SLC44A5: variants seen among roughly 807,000 people sequenced by gnomAD.
SLC44A5 encodes choline transporter-like protein 5.
SLC44A5 carries 57 observed loss-of-function variants against 101.8 expected under a neutral mutation model. The observed-to-expected ratio is 0.56, with a 90% confidence interval of 0.45 to 0.70. SLC44A5 has a LOEUF of 0.70. Among genes scored for constraint, SLC44A5 ranks in the 30% least tolerant of loss-of-function variants. The pLI, the probability that SLC44A5 is intolerant of heterozygous loss-of-function variation, is 0.00. For synonymous variants in SLC44A5, 281 were observed against 290.9 expected, an observed-to-expected ratio of 0.97 and a Z score of 0.35; for missense variants, 737 against 853.1, an observed-to-expected ratio of 0.86 and a Z score of 1.70.
intron 3 of SLC44A5, among the ~76,000 whole-genome samples, chr1:75,383,889 G>T (rs7522348): frequency 1.1e-4 from 16 of 151,886 alleles, no homozygotes; most frequent in African/African-American, 3.6e-4. Context: ...AGGAGAGAGT[G>T]GGGGCCAATA....
At chr1:75,458,185 AG>A (rs759320685) in intron 2 of SLC44A5, among the ~76,000 whole-genome samples, 9 of 152,364 alleles carry the variant, frequency 5.9e-5, no homozygotes, top group Admixed American at 1.3e-4. Flanking sequence ...AGTTAGAAAA[AG>A]TATTTCCAGT....
At chr1:75,475,921 A>T (rs1667364792) in intron 2 of SLC44A5, among the ~76,000 whole-genome samples, 1 of 152,248 alleles carries the variant, frequency 6.6e-6, no homozygotes, top group African/African-American at 2.4e-5. Context: ...GTGGTGGTTC[A>T]TGCCTGTAAT....
At chr1:75,624,995 AG>A in the SLC44A5 span, among the ~76,000 whole-genome samples, 2 of 152,078 alleles carry the variant, frequency 1.3e-5, no homozygotes, top group Admixed American at 6.6e-5. Flanking sequence ...ACATTGACAC[AG>A]GGCTTCTCTC....
the SLC44A5 span, among the ~76,000 whole-genome samples, chr1:75,665,872 C>T: frequency 6.6e-6 from 1 of 152,050 alleles, no homozygotes; most frequent in Non-Finnish European, 1.5e-5. Flanking sequence ...AAAAAATGCT[C>T]AACATCGCTA....
intron 2 of SLC44A5, among the ~76,000 whole-genome samples, chr1:75,525,803 A>T (rs549901308): frequency 6.6e-6 from 1 of 152,220 alleles, no homozygotes; most frequent in African/African-American, 2.4e-5. Flanking sequence ...TGTCTGCAAC[A>T]TATTTTCAAG....
At chr1:75,298,289 A>T (rs545108759) in intron 5 of SLC44A5, among the ~76,000 whole-genome samples, 79 of 149,362 alleles carry the variant, frequency 5.3e-4, no homozygotes, top group African/African-American at 1.5e-3. Context: ...TTCAGGGATT[A>T]AAAAAAAGGT....
chr1:75,204,867 G>T (rs539524106), intron 23 of SLC44A5: 1 of 152,228 alleles, frequency 6.6e-6, no homozygotes, highest in Non-Finnish European at 1.5e-5. Context: ...TCAAATCACA[G>T]TATATCAGAA....
chr1:75,353,133 A>G (rs1378975528), intron 3 of SLC44A5, among the ~76,000 whole-genome samples: 2 of 152,178 alleles, frequency 1.3e-5, no homozygotes, highest in African/African-American at 4.8e-5. Flanking sequence ...TTTCTAAGAC[A>G]TACCCACACA....
chr1:75,334,915 C>T (rs1657322905), intron 4 of SLC44A5, among the ~76,000 whole-genome samples: 1 of 152,126 alleles, frequency 6.6e-6, no homozygotes, highest in African/African-American at 2.4e-5. Flanking sequence ...GTAGTCTGTG[C>T]ACTTATAATA....
intron 6 of SLC44A5, among the ~76,000 whole-genome samples, chr1:75,252,570 C>T (rs1183760053): frequency 6.6e-6 from 1 of 152,172 alleles, no homozygotes; most frequent in East Asian, 1.9e-4. Context: ...CTAGTTGTTT[C>T]TTCCAAATTC....
the SLC44A5 span, among the ~76,000 whole-genome samples, chr1:75,619,553 T>G: frequency 6.6e-6 from 1 of 151,940 alleles, no homozygotes; most frequent in African/African-American, 2.4e-5. Flanking sequence ...ATTAATACAT[T>G]AAAAAAACAA....
intron 3 of SLC44A5, among the ~76,000 whole-genome samples, chr1:75,389,690 A>C (rs1217964101): frequency 6.6e-6 from 1 of 152,202 alleles, no homozygotes; most frequent in Admixed American, 6.5e-5. Context: ...TTATAGCACT[A>C]CATACCTATA....
Position 75,305,027 on chromosome 1 carries a change from A to G in SLC44A5, c.102-4342T>C, listed in dbSNP as rs148684847. ...AAAGTGTTTTCAAAAGTTAAACTACAGAACTACTATTGCTACCTTATATCT... is the reference window on the plus strand; with the variant it reads ...AAAGTGTTTTCAAAAGTTAAACTACGGAACTACTATTGCTACCTTATATCT... On this transcript the variant is annotated intron_variant, in intron 4 of 23. Transcript: ENST00000370859. Among the ~76,000 whole-genome samples the G allele has an allele frequency of 4.1e-3, 621 of 152,354 alleles. 10 individuals carry two copies. In the South Asian group the frequency reaches 0.047, roughly 11 times the overall value.
chr1:75,632,953 G>A, the SLC44A5 span, among the ~76,000 whole-genome samples: 2 of 152,136 alleles, frequency 1.3e-5, no homozygotes, highest in Non-Finnish European at 2.9e-5. Flanking sequence ...TGGTGGTGCT[G>A]GTAGTAGTTG....
intron 3 of SLC44A5, among the ~76,000 whole-genome samples, chr1:75,368,303 C>T (rs971354641): frequency 2.2e-4 from 33 of 152,154 alleles, no homozygotes; most frequent in Non-Finnish European, 4.6e-4. Flanking sequence ...TTTCTAGAAC[C>T]TTTCCCTTAT....
At chr1:75,365,722 T>C (rs934177075) in intron 3 of SLC44A5, among the ~76,000 whole-genome samples, 3 of 152,182 alleles carry the variant, frequency 2.0e-5, no homozygotes, top group Non-Finnish European at 4.4e-5. Context: ...AAATGAGTTC[T>C]TGTTCTTTTT....
At chr1:75,336,538 AT>A in intron 4 of SLC44A5, among the ~76,000 whole-genome samples, 1 of 152,300 alleles carries the variant, frequency 6.6e-6, no homozygotes, top group African/African-American at 2.4e-5. Context: ...TAGTTTACGT[AT>A]TTAAAACAAA....
chr1:75,286,404 T>C (rs1405685815), intron 5 of SLC44A5, among the ~76,000 whole-genome samples: 3 of 152,158 alleles, frequency 2.0e-5, no homozygotes, highest in Non-Finnish European at 4.4e-5. Flanking sequence ...AGATAGTTCG[T>C]TCGTGAATTC....
At chr1:75,560,233 A>C (rs570525802) in intron 1 of SLC44A5, among the ~76,000 whole-genome samples, 1 of 152,208 alleles carries the variant, frequency 6.6e-6, no homozygotes, top group Non-Finnish European at 1.5e-5. Context: ...TTGTACAAAT[A>C]TGTTTGTAGC....
Sources: gnomAD v4.1 joint callset for allele counts (sites outside exome capture counted in the v4.1 genomes callset) on GRCh38, gnomAD v4.1.1 for gene constraint, MANE v1.5 for transcripts, NCBI Gene and HGNC (gene_info 2026-07-23, HGNC 2026-07-21) for gene names.